SDK1: variants seen among roughly 807,000 people sequenced by gnomAD.
SDK1 encodes protein sidekick-1.
A neutral mutation model predicts 245.5 loss-of-function variants in SDK1; 157 were observed. The observed-to-expected ratio is 0.64, with a 90% CI of 0.56 to 0.73. The LOEUF is 0.73. SDK1 is among the 30% of genes least tolerant of loss of function. SDK1 has a pLI of 0.00. For synonymous variants in SDK1, 1,647 were observed against 1,278.5 expected (o/e 1.29, Z -6.15); for missense variants, 3,583 against 3,002.3 (o/e 1.19, Z -4.52).
intron 17 of SDK1, among the ~76,000 whole-genome samples, chr7:4,018,952 T>C (rs933561142): frequency 6.6e-6 from 1 of 152,076 alleles, no homozygotes; most frequent in Admixed American, 6.5e-5. Flanking sequence ...TGAGAAGAGA[T>C]AGGGATGTAA....
At chr7:3,957,288 G>A (rs1781348030) in intron 7 of SDK1, among the ~76,000 whole-genome samples, 1 of 152,188 alleles carries the variant, frequency 6.6e-6, no homozygotes, top group Non-Finnish European at 1.5e-5. Context: ...ACGCACACTT[G>A]AGCGCAGGAA....
At position 3,488,609 on chromosome 7, in the gene SDK1, C is replaced by T. The variant is rs147910440; in HGVS notation, c.299-130471C>T. On this transcript the variant is annotated intron_variant, in intron 1 of 44. Transcript: ENST00000404826. ...ATGATAGTTGAAGTCCCTTACAATG[C>T]TCATCAGCTAGGATGCTTTCAGCTT... Among the ~76,000 whole-genome samples, 29 of 152,302 alleles carry T rather than the reference C, an allele frequency of 1.9e-4. 1 individual carries two copies. In the East Asian group the frequency reaches 4.2e-3, roughly 22 times the overall value.
chr7:3,556,470 A>C (rs1438465975), intron 1 of SDK1, among the ~76,000 whole-genome samples: 1 of 152,174 alleles, frequency 6.6e-6, no homozygotes, highest in African/African-American at 2.4e-5. Flanking sequence ...AGAATGAATA[A>C]GATCTAGTAT....
intron 20 of SDK1, among the ~76,000 whole-genome samples, chr7:4,076,146 C>T (rs1042214678): frequency 1.3e-5 from 2 of 152,156 alleles, no homozygotes; most frequent in Non-Finnish European, 2.9e-5. Context: ...CAGTGCATTG[C>T]AAAATGTAAG....
chr7:3,538,635 A>C (rs552687619), intron 1 of SDK1, among the ~76,000 whole-genome samples: 15 of 152,126 alleles, frequency 9.9e-5, no homozygotes, highest in Non-Finnish European at 1.9e-4. Context: ...TATTCCTTCT[A>C]ATGGGAGAAC....
In SDK1 at chr7:3,697,062, T is replaced by C. The variant is rs10230747; in HGVS notation, c.713+54957T>C. ...GTTCTTAAACATAAGAATCAGAATA[T>C]GAAAGGCATGTTTTATTTTCTAGAT... On this transcript the variant is annotated intron_variant, in intron 4 of 44. Transcript: ENST00000404826. Among the ~76,000 whole-genome samples the C allele has an allele frequency of 7.3e-3, 1,105 of 152,350 alleles. 9 individuals carry two copies. The highest frequency in any genetic ancestry group is 0.026 in the African/African-American group (1,066 of 41,566).
chr7:3,820,579 G>C (rs1224854772), intron 4 of SDK1, among the ~76,000 whole-genome samples: 1 of 152,304 alleles, frequency 6.6e-6, no homozygotes, highest in East Asian at 1.9e-4. Flanking sequence ...TGGAAGTTGT[G>C]TCTTTCTTGT....
rs368846239 is a variant in SDK1, at chr7:4,036,296, GTTC to G, written c.2603-13046_2603-13044del. Among the ~76,000 whole-genome samples, 561 of 152,286 alleles carry G rather than the reference GTTC, an allele frequency of 3.7e-3. 9 individuals are homozygous for G. Among genetic ancestry groups the G allele is most frequent in the African/African-American group, 9.4e-3 (392 of 41,572 alleles). ...GGTACAGTGTTTCTTTAGGTCGACA[GTTC>G]TTCTTTTTATTTCTTTGACAAAAGT... On this transcript the variant is annotated intron_variant, in intron 17 of 44. Transcript: ENST00000404826.
At chr7:3,679,559 T>C (rs1023692188) in intron 4 of SDK1, among the ~76,000 whole-genome samples, 7 of 150,920 alleles carry the variant, frequency 4.6e-5, no homozygotes, top group Non-Finnish European at 1.0e-4. Context: ...AGAGCGAGAC[T>C]CCATCTCAAA....
chr7:4,163,972 T>A (rs1781335019), intron 32 of SDK1, among the ~76,000 whole-genome samples: 1 of 152,188 alleles, frequency 6.6e-6, no homozygotes, highest in Non-Finnish European at 1.5e-5. Flanking sequence ...GAAGAGTGTG[T>A]CATCTCCTTC....
rs866321992 is a variant in SDK1, at chr7:3,437,350, G to A, written c.298+135466G>A. On this transcript the variant is annotated intron_variant, in intron 1 of 44. Coordinates refer to ENST00000404826, the MANE Select transcript of SDK1 (RefSeq NM_152744.4). ...GTAATCATTTGTAAGGACAAAATGC[G>A]AGTTTCTATAAAGAATGTTTTAGCA... 5.3e-5 allele frequency among the ~76,000 whole-genome samples: 8 copies of A among 152,134 alleles called. No homozygotes were observed. In the East Asian group the frequency reaches 7.7e-4, roughly 15 times the overall value.
chr7:4,211,967 A>G (rs1784537061), intron 38 of SDK1, among the ~76,000 whole-genome samples: 2 of 152,198 alleles, frequency 1.3e-5, no homozygotes, highest in African/African-American at 4.8e-5. Flanking sequence ...TCCAGACACC[A>G]ATGTGTCCAC....
chr7:3,327,912 C>T (rs1779974422), intron 1 of SDK1, among the ~76,000 whole-genome samples: 1 of 152,098 alleles, frequency 6.6e-6, no homozygotes, highest in South Asian at 2.1e-4. Context: ...AGTTGTCGTT[C>T]TGTCGTATGT....
At chr7:3,883,575 C>T (rs1781258848) in intron 5 of SDK1, among the ~76,000 whole-genome samples, 2 of 152,178 alleles carry the variant, frequency 1.3e-5, no homozygotes, top group Admixed American at 6.5e-5. Context: ...AGACTTTGAG[C>T]TTAAATAGTC....
intron 1 of SDK1, among the ~76,000 whole-genome samples, chr7:3,315,204 T>C (rs1485862442): frequency 2.0e-5 from 3 of 152,190 alleles, no homozygotes; most frequent in African/African-American, 7.2e-5. Flanking sequence ...TCTGAATATA[T>C]TAGGTGAAAA....
chr7:3,907,660 A>G (rs1778999694), intron 5 of SDK1, among the ~76,000 whole-genome samples: 1 of 152,254 alleles, frequency 6.6e-6, no homozygotes, highest in Middle Eastern at 3.2e-3. Flanking sequence ...TCTTATAGCA[A>G]CTTTGCGTTT....
chr7:3,679,442 C>T (rs1325598801), intron 4 of SDK1, among the ~76,000 whole-genome samples: 1 of 152,160 alleles, frequency 6.6e-6, no homozygotes, highest in East Asian at 1.9e-4. Flanking sequence ...TGGCGGGCGC[C>T]TGTAGTCCCA....
chr7:3,897,891 C>A (rs1165098130), intron 5 of SDK1, among the ~76,000 whole-genome samples: 1 of 151,964 alleles, frequency 6.6e-6, no homozygotes, highest in Non-Finnish European at 1.5e-5. Flanking sequence ...TCTTTTCTCT[C>A]ATCTTTTACT....
chr7:4,090,643 C>T (rs1781729142), intron 22 of SDK1, among the ~76,000 whole-genome samples: 1 of 152,188 alleles, frequency 6.6e-6, no homozygotes, highest in Admixed American at 6.5e-5. Flanking sequence ...CCCAACTCAT[C>T]TTGTTCTTTC....
Sources: allele counts gnomAD v4.1 joint callset (sites outside exome capture counted in the v4.1 genomes callset), GRCh38; gene constraint gnomAD v4.1.1; transcripts MANE v1.5; gene names NCBI Gene and HGNC (gene_info 2026-07-23, HGNC 2026-07-21).